The following TRIM65 variants were observed in gnomAD, a reference collection of about 807,000 sequenced individuals.
The protein encoded by TRIM65 is E3 ubiquitin-protein ligase TRIM65.
Under a neutral mutation model 36.1 loss-of-function variants are expected in TRIM65, and 46 were observed. The observed-to-expected ratio is 1.27, with a 90% CI of 1.01 to 1.63. The LOEUF (loss-of-function observed/expected upper bound fraction) is 1.63. Ranked by LOEUF, TRIM65 falls within the 40% of genes most tolerant of loss-of-function variation. TRIM65 has a pLI of 0.00. For missense variants in TRIM65, 708 were observed against 696.6 expected, an observed-to-expected ratio of 1.02 and a Z score of -0.18; for synonymous variants, 346 against 313.6, an observed-to-expected ratio of 1.10 and a Z score of -1.09.
At position 75,892,800 on chromosome 17, in the gene TRIM65, G is replaced by C; in HGVS notation, c.465C>G (p.Ala155=). 8 of 1,604,184 alleles carry C rather than the reference G, an allele frequency of 5.0e-6. No homozygotes were observed. Among genetic ancestry groups the C allele is most frequent in the Non-Finnish European group, 6.8e-6 (8 of 1,179,906 alleles). The change falls in exon 2 of 6, where the codon GCC becomes GCG. Residue 155 remains alanine (A), a synonymous_variant. Transcript: ENST00000269383. ...LEVTQQQATQ[A]EGQLLELRKQ... is the part of the protein sequence containing the mutation. The stretch of plus-strand genomic sequence containing the variant: ...TGCGCAGCTCTAGTAGCTGGCCTTC[G>C]GCCTGGGTGGCCTGCTGCTGGGTAA...
At position 75,896,532 on chromosome 17, in the gene TRIM65, T is replaced by A; in HGVS notation, c.406A>T (p.Lys136Ter). Residue 136 changes from lysine to a stop codon, truncating the protein, a stop_gained, in exon 1 of 6, where the codon AAG (lysine) becomes TAG (stop). Coordinates refer to ENST00000269383, the MANE Select transcript of TRIM65 (RefSeq NM_173547.4). LOFTEE classifies it high-confidence loss of function. ...ERALLDAERLKREAQLRASLE... is the reference protein window; with the variant it reads ...ERALLDAERL ...CCCGGCGGATGCGTCACCTCGCGCT[T>A]GAGGCGCTCGGCATCCAGCAGCGCC... is the stretch of plus-strand genomic sequence containing the variant. 1 of 1,345,666 alleles carries A rather than the reference T, an allele frequency of 7.4e-7. No individual in the cohort carries two copies. Among genetic ancestry groups the A allele is most frequent in the Non-Finnish European group, 9.5e-7 (1 of 1,050,952 alleles). The allele number at this position is 1,345,666 out of a possible 1,614,324, so 83.4% of individuals were successfully genotyped here. A position where few individuals can be genotyped will look rare whatever the true frequency, so the allele number is the denominator to read the frequency against.
chr17:75,893,562 C>T lies in TRIM65; in HGVS notation c.415-712G>A, dbSNP rs145146468. Among the ~76,000 whole-genome samples the T allele has an allele frequency of 2.1e-3, 319 of 152,280 alleles. 5 individuals carry two copies. Among genetic ancestry groups the T allele is most frequent in the African/African-American group, 7.3e-3 (303 of 41,570 alleles). On this transcript the variant is annotated intron_variant, in intron 1 of 5. Transcript: ENST00000269383. ...TCCATTCCCAGCACCTGGTCAAAAGCTTCACCACCTTGTTTCTGCTCCTCC... is the reference window on the plus strand; with the variant it reads ...TCCATTCCCAGCACCTGGTCAAAAGTTTCACCACCTTGTTTCTGCTCCTCC...
In TRIM65 at chr17:75,892,273, G is replaced by T. The variant is rs34974290; in HGVS notation, c.738C>A (p.Phe246Leu). The stretch of plus-strand genomic sequence containing the variant: ...ATGCCCTGAGCCCTCGCACCTGCAG[G>T]AAGGTCTGCTCATCCACCTGCTCCA... ...ELLEQVDEQT[F>L]LQESQLLQPP... Residue 246 changes from phenylalanine (F) to leucine (L), a missense_variant, in exon 3 of 6, where the codon TTC (phenylalanine) becomes TTA (leucine). Physicochemically the swap from Phe to Leu is conservative, Grantham distance 22. Transcript: ENST00000269383. 5 of 1,610,526 alleles carry T rather than the reference G, an allele frequency of 3.1e-6. No homozygotes were observed. In the Admixed American group the frequency reaches 8.4e-5, roughly 27 times the overall value.
Position 75,896,883 on chromosome 17 carries a change from A to ACT in TRIM65, c.54_55insAG (p.Tyr19SerfsTer6). 3 of 1,527,814 alleles carry ACT rather than the reference A, an allele frequency of 2.0e-6. No individual in the cohort carries two copies. The highest frequency in any genetic ancestry group is 2.6e-6 in the Non-Finnish European group (3 of 1,141,496). The allele number at this position is 1,527,814 out of a possible 1,614,324, so 94.6% of individuals were successfully genotyped here. A position where few individuals can be genotyped will look rare whatever the true frequency, so the allele number is the denominator to read the frequency against. ...CAGGGCAGCGTCACTGGGTCCTGGT[A>ACT]GAGCCCCAGGCAGATGGCGCAGGTC... is the stretch of plus-strand genomic sequence containing the variant. On this transcript the variant is annotated frameshift_variant, in exon 1 of 6. Coordinates refer to ENST00000269383, the MANE Select transcript of TRIM65 (RefSeq NM_173547.4). LOFTEE classifies it high-confidence loss of function.
downstream of TRIM65, among the ~76,000 whole-genome samples, chr17:75,886,607 A>T (rs1289895058): frequency 1.3e-5 from 2 of 151,754 alleles, no homozygotes; most frequent in Admixed American, 1.3e-4. Flanking sequence ...GCACAAAAAC[A>T]GACTAATACA....
chr17:75,892,869 G>A lies in TRIM65; in HGVS notation c.415-19C>T, dbSNP rs1484083697. 6.3e-7 allele frequency: 1 copy of A among 1,597,338 alleles called. No homozygotes were observed. Among genetic ancestry groups the A allele is most frequent in the Non-Finnish European group, 8.5e-7 (1 of 1,177,390 alleles). On this transcript the variant is annotated intron_variant, in intron 1 of 5. Coordinates refer to ENST00000269383, the MANE Select transcript of TRIM65 (RefSeq NM_173547.4). Reference sequence around the variant, plus strand: ...GCTGGGCCTGTGGTGCGGGCCCACGGGACAAGCAACAAGAGAAGGCCAGGA... The same window carrying A: ...GCTGGGCCTGTGGTGCGGGCCCACGAGACAAGCAACAAGAGAAGGCCAGGA...
At position 75,890,046 on chromosome 17, in the gene TRIM65, CAT is replaced by C. The variant is rs766629728; in HGVS notation, c.*731_*732del. 5.9e-5 allele frequency: 9 copies of C among 152,126 alleles called. No individual in the cohort carries two copies. The highest frequency in any genetic ancestry group is 1.0e-4 in the Non-Finnish European group (7 of 68,022). The allele number at this position is 152,126 out of a possible 1,614,324, so 9.4% of individuals were successfully genotyped here. A position where few individuals can be genotyped will look rare whatever the true frequency, so the allele number is the denominator to read the frequency against. ...ACAGCAATCAGTGAAAATTTTCAAT[CAT>C]GTGAAAAATGCTTATGTTAAGTCAG... is the stretch of plus-strand genomic sequence containing the variant. On this transcript the variant is annotated 3_prime_UTR_variant, in exon 6 of 6. Transcript: ENST00000269383.
rs1453178369 is a variant in TRIM65, at chr17:75,892,576, C to G, written c.511-76G>C. 7.8e-6 allele frequency: 11 copies of G among 1,414,478 alleles called. No homozygotes were observed. The Admixed American group carries it at 1.8e-4, about 23-fold the overall frequency. 87.6% of individuals were successfully genotyped at this position (1,414,478 alleles called of 1,614,324 possible). On this transcript the variant is annotated intron_variant, in intron 2 of 5. Transcript: ENST00000269383. ...CAAGGGAGGCTAGGGCCAGGGCTGCCTGCTGGGCTGAGGGTCAGGGATGTG... is the reference window on the plus strand; with the variant it reads ...CAAGGGAGGCTAGGGCCAGGGCTGCGTGCTGGGCTGAGGGTCAGGGATGTG...
chr17:75,881,339 T>A (rs1442111427), intron 4 of TRIM65, among the ~76,000 whole-genome samples: 1 of 150,164 alleles, frequency 6.7e-6, no homozygotes, highest in African/African-American at 2.5e-5. Flanking sequence ...GGAACCCCTG[T>A]CTTAGTGTGT....
At chr17:75,884,571 G>T (rs1356665265), downstream of TRIM65, among the ~76,000 whole-genome samples, 1 of 152,080 alleles carries the variant, frequency 6.6e-6, no homozygotes, top group Non-Finnish European at 1.5e-5. Context: ...TTCTTTTAGC[G>T]TCTGCCTCCA....
downstream of TRIM65, among the ~76,000 whole-genome samples, chr17:75,887,193 G>GA (rs1234168246): frequency 1.1e-3 from 163 of 142,798 alleles, 1 homozygote; most frequent in Non-Finnish European, 8.1e-4. Flanking sequence ...AAAGCAAAAA[G>GA]AAAAAAAAAG....
chr17:75,890,875 G>C lies in TRIM65; in HGVS notation c.1458C>G (p.Thr486=). 1 of 1,532,402 alleles carries C rather than the reference G, an allele frequency of 6.5e-7. No individual in the cohort carries two copies. The highest frequency in any genetic ancestry group is 8.7e-7 in the Non-Finnish European group (1 of 1,143,180). 94.9% of individuals were successfully genotyped at this position (1,532,402 alleles called of 1,614,324 possible). A position where few individuals can be genotyped will look rare whatever the true frequency, so the allele number is the denominator to read the frequency against. The part of the protein sequence containing the change: ...TFHALFNQPL[T]PVFWLLEGRT... ...TACCCTCGAGGAGCCAGAAGACGGG[G>C]GTGAGGGGCTGGTTGAAGAGGGCAT... Residue 486 remains threonine (T), a synonymous_variant, in exon 6 of 6, where the codon ACC becomes ACG. Coordinates refer to ENST00000269383, the MANE Select transcript of TRIM65 (RefSeq NM_173547.4).
At position 75,892,177 on chromosome 17, in the gene TRIM65, C is replaced by T; in HGVS notation, c.753G>A (p.Gln251=). 1 of 1,569,904 alleles carries T rather than the reference C, an allele frequency of 6.4e-7. No homozygotes were observed. Among genetic ancestry groups the T allele is most frequent in the Non-Finnish European group, 8.6e-7 (1 of 1,157,318 alleles). The change falls in exon 4 of 6, where the codon CAG becomes CAA. Residue 251 remains glutamine, a synonymous_variant. Transcript: ENST00000269383. ...CAAGAGGCCCTGGGGGCTGGAGGAG[C>T]TGCGATTCCTGAGCCCCAGGGAGAA... ...VDEQTFLQES[Q]LLQPPGPLGP...
At position 75,891,217 on chromosome 17, in the gene TRIM65, C is replaced by G. The variant is rs754075016; in HGVS notation, c.1116G>C (p.Gln372His). ...CCTGGAAGCTCTGGGCACATTGCAC[C>G]TGCCAGAGCTCAAAGCTGCCGGGCC... ...PGGPGSFELW[Q>H]VQCAQSFQAG... The change falls in exon 6 of 6, where the codon CAG (glutamine) becomes CAC (histidine). Residue 372 changes from glutamine (Q) to histidine (H), a missense_variant. By Grantham distance (24) the Gln-to-His change is conservative (BLOSUM62 0). Transcript: ENST00000269383. The G allele has an allele frequency of 3.7e-6, 6 of 1,612,612 alleles. No individual in the cohort carries two copies. Among genetic ancestry groups the G allele is most frequent in the Non-Finnish European group, 5.1e-6 (6 of 1,180,012 alleles).
rs930666344 is a variant in TRIM65 at position 75,881,371 on chromosome 17, C to T, written c.350-742G>A. 8.6e-5 allele frequency among the ~76,000 whole-genome samples: 13 copies of T among 150,384 alleles called. 1 individual carries two copies. The highest frequency in any genetic ancestry group is 1.3e-4 in the Admixed American group (2 of 15,174). Reference sequence around the variant, plus strand: ...GTGTCTGGGCTGCTATCCCAGAACACCAGAGACTGGGTGGCTTATACACAA... The same window carrying T: ...GTGTCTGGGCTGCTATCCCAGAACATCAGAGACTGGGTGGCTTATACACAA... On this transcript the variant is annotated intron_variant, in intron 4 of 4. Coordinates refer to the TRIM65 transcript ENST00000591668.
downstream of TRIM65, among the ~76,000 whole-genome samples, chr17:75,887,254 G>A (rs569450484): frequency 1.3e-5 from 2 of 151,636 alleles, no homozygotes; most frequent in South Asian, 4.2e-4. Context: ...GGAGGCTGAG[G>A]CAGGCAGATG....
In TRIM65 at chr17:75,889,953, T is replaced by C. The variant is rs2065243937; in HGVS notation, c.*826A>G. On this transcript the variant is annotated 3_prime_UTR_variant, in exon 6 of 6. Coordinates refer to ENST00000269383, the MANE Select transcript of TRIM65 (RefSeq NM_173547.4). ...CAAAAAAAACACATCAATGTTTGTATAGCTAAAAAGAAAGAAATTTAAATG... is the reference window on the plus strand; with the variant it reads ...CAAAAAAAACACATCAATGTTTGTACAGCTAAAAAGAAAGAAATTTAAATG... The C allele has an allele frequency of 1.3e-5, 2 of 152,112 alleles. No homozygotes were observed. The highest frequency in any genetic ancestry group is 2.9e-5 in the Non-Finnish European group (2 of 68,034). The allele number at this position is 152,112 out of a possible 1,614,324, so 9.4% of individuals were successfully genotyped here.
Position 75,892,275 on chromosome 17 carries a change from A to G in TRIM65, c.736T>C (p.Phe246Leu), listed in dbSNP as rs774023253. Residue 246 changes from phenylalanine (F) to leucine (L), a missense_variant, in exon 3 of 6, where the codon TTC becomes CTC. Transcript: ENST00000269383. ...GCCCTGAGCCCTCGCACCTGCAGGA[A>G]GGTCTGCTCATCCACCTGCTCCAGG... Reference protein sequence around the residue: ...ELLEQVDEQTFLQESQLLQPP... With the variant: ...ELLEQVDEQTLLQESQLLQPP... 8.7e-6 allele frequency: 14 copies of G among 1,611,520 alleles called. No individual in the cohort carries two copies. Among genetic ancestry groups the G allele is most frequent in the South Asian group, 7.7e-5 (7 of 90,760 alleles).
In TRIM65 at chr17:75,891,244, G is replaced by C; in HGVS notation, c.1089C>G (p.Gly363=). The C allele has an allele frequency of 6.2e-7, 1 of 1,612,802 alleles. No individual in the cohort carries two copies. Among genetic ancestry groups the C allele is most frequent in the Non-Finnish European group, 8.5e-7 (1 of 1,179,742 alleles). The change falls in exon 6 of 6, where the codon GGC becomes GGG. Residue 363 remains glycine (G), a synonymous_variant. Coordinates refer to ENST00000269383, the MANE Select transcript of TRIM65 (RefSeq NM_173547.4). ...VKHCRQSRGP[G]GPGSFELWQV... Reference sequence around the variant, plus strand: ...GCCAGAGCTCAAAGCTGCCGGGCCCGCCTGGGCCCCGGGACTGACGACAGT... The same window carrying C: ...GCCAGAGCTCAAAGCTGCCGGGCCCCCCTGGGCCCCGGGACTGACGACAGT...
Sources: allele counts gnomAD v4.1 joint callset (sites outside exome capture counted in the v4.1 genomes callset), GRCh38; gene constraint gnomAD v4.1.1; transcripts MANE v1.5; gene names NCBI Gene and HGNC (gene_info 2026-07-23, HGNC 2026-07-21).